Variants in SPAG16 observed in about 807,000 individuals in gnomAD.
SPAG16 encodes the protein sperm-associated antigen 16 protein.
In SPAG16, 86 loss-of-function variants were observed where a neutral mutation model predicts 80.4. The ratio of observed to expected loss-of-function variants is 1.07; its 90% CI spans 0.90 to 1.28. The LOEUF is 1.28. Ranked by LOEUF, SPAG16 falls within the 50% of genes most tolerant of loss-of-function variation. The pLI is 0.00. For synonymous variants in SPAG16, 294 were observed against 265.9 expected, an observed-to-expected ratio of 1.11 and a Z score of -1.03; for missense variants, 870 against 765.3, an observed-to-expected ratio of 1.14 and a Z score of -1.61.
intron 10 of SPAG16, among the ~76,000 whole-genome samples, chr2:213,735,768 T>G (rs2067254489): frequency 6.6e-6 from 1 of 152,224 alleles, no homozygotes; most frequent in Non-Finnish European, 1.5e-5. Flanking sequence ...ATTTCATTAA[T>G]AGCTAGTCAG....
chr2:214,011,940 C>T (rs1386282313), intron 12 of SPAG16, among the ~76,000 whole-genome samples: 2 of 152,070 alleles, frequency 1.3e-5, no homozygotes, highest in Non-Finnish European at 2.9e-5. Flanking sequence ...AAGCTGACTT[C>T]TTCCTTCCCA....
intron 10 of SPAG16, among the ~76,000 whole-genome samples, chr2:213,830,733 G>C (rs2073586578): frequency 6.6e-6 from 1 of 152,064 alleles, no homozygotes; most frequent in Non-Finnish European, 1.5e-5. Flanking sequence ...ATTTTGCTCA[G>C]TACTCCCTGA....
intron 15 of SPAG16, among the ~76,000 whole-genome samples, chr2:214,274,614 T>G (rs1286896793): frequency 1.3e-5 from 2 of 152,214 alleles, no homozygotes; most frequent in African/African-American, 4.8e-5. Flanking sequence ...GATTTGCATA[T>G]GTTGAACCAG....
intron 10 of SPAG16, among the ~76,000 whole-genome samples, chr2:213,846,230 A>C (rs2074617286): frequency 6.6e-6 from 1 of 152,162 alleles, no homozygotes; most frequent in African/African-American, 2.4e-5. Context: ...GATAATCCAA[A>C]AATCTGATAA....
At chr2:214,099,547 G>C (rs902884405) in intron 13 of SPAG16, among the ~76,000 whole-genome samples, 1 of 151,940 alleles carries the variant, frequency 6.6e-6, no homozygotes, top group African/African-American at 2.4e-5. Context: ...ATAATAAAAT[G>C]CATATATATT....
chr2:214,253,347 C>T (rs186604263), intron 15 of SPAG16, among the ~76,000 whole-genome samples: 1 of 152,188 alleles, frequency 6.6e-6, no homozygotes, highest in East Asian at 1.9e-4. Flanking sequence ...GTTGCCATTG[C>T]TTTTGGTGTT....
intron 9 of SPAG16, among the ~76,000 whole-genome samples, chr2:213,430,484 A>G (rs1278894475): frequency 3.9e-5 from 6 of 152,166 alleles, no homozygotes; most frequent in Admixed American, 2.6e-4. Flanking sequence ...TTTAAAACTC[A>G]TCAGCTATTG....
At chr2:213,623,518 G>A (rs933123348) in intron 10 of SPAG16, among the ~76,000 whole-genome samples, 6 of 151,840 alleles carry the variant, frequency 4.0e-5, no homozygotes, top group African/African-American at 1.2e-4. Context: ...AACTTCTTTT[G>A]TTCCATTGTC....
intron 15 of SPAG16, among the ~76,000 whole-genome samples, chr2:214,314,675 T>A (rs528217369): frequency 8.5e-5 from 13 of 152,284 alleles, no homozygotes; most frequent in Admixed American, 2.6e-4. Flanking sequence ...AATAAAGGCA[T>A]GGGCAGGAGA....
intron 5 of SPAG16, among the ~76,000 whole-genome samples, chr2:213,339,735 A>G (rs1003040515): frequency 3.3e-5 from 5 of 152,112 alleles, no homozygotes; most frequent in Non-Finnish European, 5.9e-5. Context: ...ATAATCTAGT[A>G]TATTCTCTTT....
chr2:213,979,347 G>A (rs747802120), intron 12 of SPAG16, among the ~76,000 whole-genome samples: 6 of 152,028 alleles, frequency 3.9e-5, no homozygotes, highest in Admixed American at 1.3e-4. Context: ...ACATTACCAA[G>A]ACAATTGAAA....
chr2:213,981,543 A>G (rs2045743838), intron 12 of SPAG16, among the ~76,000 whole-genome samples: 1 of 152,116 alleles, frequency 6.6e-6, no homozygotes, highest in Non-Finnish European at 1.5e-5. Context: ...TTCAGGTTCA[A>G]AACGTTTTTA....
At chr2:213,461,278 C>T (rs932081566) in intron 9 of SPAG16, among the ~76,000 whole-genome samples, 2 of 152,138 alleles carry the variant, frequency 1.3e-5, no homozygotes, top group African/African-American at 2.4e-5. Context: ...GGTAATATGG[C>T]ATGGCTTAGT....
rs186774016 is a variant in SPAG16, at chr2:213,519,420, G to C, written c.1070+29330G>C. Among the ~76,000 whole-genome samples, 9 of 152,186 alleles carry C rather than the reference G, an allele frequency of 5.9e-5. No homozygotes were observed. In the South Asian group the frequency reaches 1.9e-3, roughly 32 times the overall value. ...CATGGGGGCAGGTCTTTCCTTTGCT[G>C]TTCTCATGATAATGAATAAGTCTCA... is the stretch of plus-strand genomic sequence containing the variant. On this transcript the variant is annotated intron_variant, in intron 10 of 15. Transcript: ENST00000331683.
chr2:214,281,035 G>T, intron 15 of SPAG16: 2 of 407,712 alleles, frequency 4.9e-6, no homozygotes, highest in Non-Finnish European at 9.5e-6. Context: ...CTCCCTCAGG[G>T]CGCCAGAAAC....
intron 10 of SPAG16, among the ~76,000 whole-genome samples, chr2:213,708,619 C>T (rs2125351630): frequency 6.6e-6 from 1 of 152,132 alleles, no homozygotes; most frequent in South Asian, 2.1e-4. Flanking sequence ...TGGTGAAACC[C>T]CTACTAAAAA....
At chr2:213,937,592 A>G (rs1477111515) in intron 12 of SPAG16, among the ~76,000 whole-genome samples, 1 of 152,046 alleles carries the variant, frequency 6.6e-6, no homozygotes, top group Admixed American at 6.6e-5. Flanking sequence ...TACGGAGCAT[A>G]GACACATAAA....
intron 10 of SPAG16, among the ~76,000 whole-genome samples, chr2:213,574,317 A>T (rs915893294): frequency 6.6e-6 from 1 of 152,084 alleles, no homozygotes; most frequent in Non-Finnish European, 1.5e-5. Flanking sequence ...TTCATCTCCA[A>T]ATCATGGCTA....
chr2:213,979,753 C>T (rs2045600652), intron 12 of SPAG16, among the ~76,000 whole-genome samples: 1 of 152,084 alleles, frequency 6.6e-6, no homozygotes, highest in South Asian at 2.1e-4. Flanking sequence ...CCACCTAAAC[C>T]TCATGCCTCA....
Sources: gnomAD v4.1 joint callset for allele counts (sites outside exome capture counted in the v4.1 genomes callset) on GRCh38, gnomAD v4.1.1 for gene constraint, MANE v1.5 for transcripts, NCBI Gene and HGNC (gene_info 2026-07-23, HGNC 2026-07-21) for gene names.